Variants in COMMD10 observed in about 807,000 individuals in gnomAD.
COMMD10 encodes COMM domain containing 10.
A neutral mutation model predicts 28.9 loss-of-function variants in COMMD10; 33 were observed. That is an observed-to-expected ratio of 1.14 (90% CI 0.87 to 1.53). The LOEUF is 1.53. COMMD10 is among the 40% of genes most tolerant of loss of function. COMMD10 has a pLI of 0.00. For synonymous variants in COMMD10, 110 were observed against 81.7 expected (o/e 1.35, Z -1.87); for missense variants, 310 against 233.4 (o/e 1.33, Z -2.14).
At chr5:116,226,595 T>G (rs534930902) in intron 5 of COMMD10, among the ~76,000 whole-genome samples, 1 of 151,894 alleles carries the variant, frequency 6.6e-6, no homozygotes, top group Admixed American at 6.6e-5. Context: ...GTAGCAATAT[T>G]GGGGGACTTG....
chr5:116,182,343 C>A (rs1011848739), intron 5 of COMMD10, among the ~76,000 whole-genome samples: 1 of 151,310 alleles, frequency 6.6e-6, no homozygotes, highest in African/African-American at 2.4e-5. Flanking sequence ...AAATTAAGAA[C>A]AATAGGTTTC....
At chr5:116,137,181 C>T (rs569960853) in intron 5 of COMMD10, among the ~76,000 whole-genome samples, 1 of 152,156 alleles carries the variant, frequency 6.6e-6, no homozygotes, top group East Asian at 1.9e-4. Context: ...TTGTACTCTT[C>T]ATCTTATTCC....
At chr5:116,272,336 T>C (rs950114729) in intron 5 of COMMD10, among the ~76,000 whole-genome samples, 1 of 151,844 alleles carries the variant, frequency 6.6e-6, no homozygotes, top group African/African-American at 2.4e-5. Context: ...CTATTGAAAC[T>C]CTTGTAAAAT....
At chr5:116,221,309 A>C (rs1350295122) in intron 5 of COMMD10, among the ~76,000 whole-genome samples, 2 of 151,992 alleles carry the variant, frequency 1.3e-5, no homozygotes, top group African/African-American at 4.8e-5. Context: ...CCCAGCCCAG[A>C]ACTCCTCTGG....
intron 5 of COMMD10, among the ~76,000 whole-genome samples, chr5:116,253,340 A>C (rs1426624241): frequency 6.8e-6 from 1 of 146,528 alleles, no homozygotes; most frequent in Non-Finnish European, 1.5e-5. Flanking sequence ...TATGTTGAAT[A>C]GGAGTGGTGA....
At chr5:116,144,031 G>T (rs956738956) in intron 5 of COMMD10, among the ~76,000 whole-genome samples, 2 of 151,816 alleles carry the variant, frequency 1.3e-5, no homozygotes, top group African/African-American at 4.8e-5. Context: ...AAGACGACAG[G>T]TTTATTTTTT....
intron 2 of COMMD10, 110 bp downstream of exon 2, chr5:116,087,697 G>C (rs1750152780): frequency 2.8e-6 from 2 of 710,126 alleles, no homozygotes; most frequent in Admixed American, 2.2e-5. Flanking sequence ...TATGTTCTTA[G>C]AGACACTGGT....
intron 5 of COMMD10, among the ~76,000 whole-genome samples, chr5:116,268,313 A>C (rs1052789202): frequency 6.6e-6 from 1 of 151,858 alleles, no homozygotes; most frequent in Non-Finnish European, 1.5e-5. Context: ...CACTTCTCAA[A>C]AGAAGACATT....
At chr5:116,186,663 T>C (rs1474345238) in intron 5 of COMMD10, among the ~76,000 whole-genome samples, 1 of 152,144 alleles carries the variant, frequency 6.6e-6, no homozygotes, top group African/African-American at 2.4e-5. Context: ...TGTTGGCTTC[T>C]AGAGATTAGG....
intron 5 of COMMD10, among the ~76,000 whole-genome samples, chr5:116,145,326 C>T (rs545403679): frequency 6.6e-6 from 1 of 151,700 alleles, no homozygotes; most frequent in East Asian, 1.9e-4. Flanking sequence ...GTGTAGTTTT[C>T]TTCATCTATT....
chr5:116,191,331 C>G (rs1325543284), intron 5 of COMMD10, among the ~76,000 whole-genome samples: 1 of 152,060 alleles, frequency 6.6e-6, no homozygotes, highest in African/African-American at 2.4e-5. Flanking sequence ...CTGGAGGGCA[C>G]ACTCAACAGG....
intron 5 of COMMD10, among the ~76,000 whole-genome samples, chr5:116,140,429 ATCT>A (rs1264199024): frequency 1.3e-5 from 2 of 151,728 alleles, no homozygotes; most frequent in Non-Finnish European, 2.9e-5. Flanking sequence ...TACTGGATTC[ATCT>A]TCTTTGAATA....
chr5:116,168,313 A>T (rs899648661), intron 5 of COMMD10, among the ~76,000 whole-genome samples: 6 of 152,328 alleles, frequency 3.9e-5, no homozygotes, highest in African/African-American at 1.4e-4. Context: ...TGCACGCAAT[A>T]CAGGAGCACC....
intron 4 of COMMD10, among the ~76,000 whole-genome samples, chr5:116,102,638 G>C (rs920249705): frequency 6.6e-6 from 1 of 152,096 alleles, no homozygotes; most frequent in African/African-American, 2.4e-5. Flanking sequence ...TCTGTAGATT[G>C]CTTTGGGCAG....
In COMMD10 at chr5:116,282,013, C is replaced by A. The variant is rs1047644602; in HGVS notation, c.511-9504C>A. On this transcript the variant is annotated intron_variant, in intron 5 of 6. Transcript: ENST00000274458. Reference sequence around the variant, plus strand: ...TCAATATATCAGTGACTCCCAAATTCTCTTTTCTGGCTCTCCAGACATATA... The same window carrying A: ...TCAATATATCAGTGACTCCCAAATTATCTTTTCTGGCTCTCCAGACATATA... Among the ~76,000 whole-genome samples the A allele has an allele frequency of 2.0e-5, 3 of 151,800 alleles. No homozygotes were observed. The East Asian group carries it at 5.8e-4, about 29-fold the overall frequency.
intron 4 of COMMD10, among the ~76,000 whole-genome samples, chr5:116,093,603 C>T (rs1401416494): frequency 6.6e-6 from 1 of 152,166 alleles, no homozygotes; most frequent in Non-Finnish European, 1.5e-5. Context: ...GGGTTCCATG[C>T]TCCCCCTGAG....
At chr5:116,120,957 G>A (rs1751409592) in intron 4 of COMMD10, among the ~76,000 whole-genome samples, 1 of 151,514 alleles carries the variant, frequency 6.6e-6, no homozygotes. Flanking sequence ...ATGTGTATAT[G>A]TATATGTTTT....
intron 5 of COMMD10, among the ~76,000 whole-genome samples, chr5:116,168,452 G>A (rs1753205926): frequency 6.6e-6 from 1 of 152,122 alleles, no homozygotes; most frequent in African/African-American, 2.4e-5. Flanking sequence ...AGGATACTTA[G>A]GACTTGAACT....
At chr5:116,198,980 A>G (rs1228501300) in intron 5 of COMMD10, among the ~76,000 whole-genome samples, 3 of 152,128 alleles carry the variant, frequency 2.0e-5, no homozygotes, top group Admixed American at 6.6e-5. Flanking sequence ...ACCAAGGAAC[A>G]TGTTTGGTGG....
Sources: allele counts gnomAD v4.1 joint callset (sites outside exome capture counted in the v4.1 genomes callset), GRCh38; gene constraint gnomAD v4.1.1; transcripts MANE v1.5; gene names NCBI Gene and HGNC (gene_info 2026-07-23, HGNC 2026-07-21).